The following GFM2 variants were observed in gnomAD, a reference collection of about 807,000 sequenced individuals.
GFM2 encodes the protein ribosome-releasing factor 2, mitochondrial.
Under a neutral mutation model 95.4 loss-of-function variants are expected in GFM2, and 72 were observed. That is an observed-to-expected ratio of 0.76 (90% confidence interval 0.62 to 0.92). The LOEUF (loss-of-function observed/expected upper bound fraction) is 0.92, where lower values mean the gene tolerates loss of function less well. Ranked by LOEUF, GFM2 falls within the 40% of genes least tolerant of loss-of-function variation. The pLI is 0.00. For synonymous variants in GFM2, 276 were observed against 317.5 expected (o/e 0.87, Z 1.39); for missense variants, 825 against 924.1 (o/e 0.89, Z 1.39).
At chr5:74,756,653 T>C (rs550026302) in intron 5 of GFM2, among the ~76,000 whole-genome samples, 7 of 143,328 alleles carry the variant, frequency 4.9e-5, no homozygotes, top group African/African-American at 2.0e-4. Context: ...ACTAACAGTG[T>C]AAAGTGTGTG....
At position 74,738,586 on chromosome 5, in the gene GFM2, T is replaced by C; in HGVS notation, c.1136A>G (p.Gln379Arg). The C allele has an allele frequency of 6.2e-7, 1 of 1,613,762 alleles. No homozygotes were observed. Among genetic ancestry groups the C allele is most frequent in the Non-Finnish European group, 8.5e-7 (1 of 1,179,754 alleles). Residue 379 changes from glutamine to arginine, a missense_variant, in exon 13 of 21, where the codon CAG becomes CGG. Coordinates refer to ENST00000296805, the MANE Select transcript of GFM2 (RefSeq NM_032380.5). ...ALAFKVLHDK[Q>R]RGPLVFMRIY... ...GCGCATAAAAACCAGTGGTCCTCGC[T>C]GCTTGTCATGGAGAACTTTAAATGC... is the stretch of plus-strand genomic sequence containing the variant.
At chr5:74,743,772 A>G (rs1470058806) in intron 10 of GFM2, among the ~76,000 whole-genome samples, 1 of 152,330 alleles carries the variant, frequency 6.6e-6, no homozygotes, top group East Asian at 1.9e-4. Flanking sequence ...AGCGGGTAAG[A>G]GCTTTAGCTC....
chr5:74,751,946 G>A (rs1225724306), intron 5 of GFM2, among the ~76,000 whole-genome samples: 2 of 152,040 alleles, frequency 1.3e-5, no homozygotes, highest in African/African-American at 4.8e-5. Context: ...GTAAAATAAG[G>A]CTAGTAAAGC....
chr5:74,733,137 T>G (rs371028297), intron 15 of GFM2, 39 bp from the exon 16 acceptor site: 407 of 1,413,680 alleles, frequency 2.9e-4, no homozygotes, highest in Non-Finnish European at 4.0e-4. Flanking sequence ...ATTTCATTTT[T>G]TAAATAATTT....
chr5:74,722,672 G>A (rs551162666), intron 19 of GFM2, 111 bp from the exon 20 acceptor site: 92 of 794,174 alleles, frequency 1.2e-4, no homozygotes, highest in Admixed American at 9.9e-4. Flanking sequence ...TCTCTTTAAA[G>A]ATAACGTTTT....
In GFM2 at chr5:74,721,730, T is replaced by G; in HGVS notation, c.2265A>C (p.Leu755Phe). The G allele has an allele frequency of 6.2e-7, 1 of 1,613,794 alleles. No individual in the cohort carries two copies. The highest frequency in any genetic ancestry group is 8.5e-7 in the Non-Finnish European group (1 of 1,179,806). ...TLTSGSATFALELSTYQAMNP... is the reference protein window; with the variant it reads ...TLTSGSATFAFELSTYQAMNP... ...TCATGGCTTGATAAGTAGATAGTTC[T>G]AAGGCAAAAGTAGCTGAGCCTGATG... Residue 755 changes from leucine to phenylalanine, a missense_variant, in exon 21 of 21, where the codon TTA becomes TTC. Leu to Phe is a conservative substitution (Grantham distance 22). Transcript: ENST00000296805.
chr5:74,721,495 T>A lies in GFM2; in HGVS notation c.*160A>T. On this transcript the variant is annotated 3_prime_UTR_variant, in exon 21 of 21. Coordinates refer to ENST00000296805, the MANE Select transcript of GFM2 (RefSeq NM_032380.5). ...CATTATATAAATTAAAACGGGTGGC[T>A]CCAGTGCCACTATCAAAGCTTAAGT... 1 of 822,742 alleles carries A rather than the reference T, an allele frequency of 1.2e-6. No individual in the cohort carries two copies. The highest frequency in any genetic ancestry group is 2.0e-6 in the Non-Finnish European group (1 of 498,910). 51.0% of individuals were successfully genotyped at this position (822,742 alleles called of 1,614,324 possible). A position where few individuals can be genotyped will look rare whatever the true frequency, so the allele number is the denominator to read the frequency against.
chr5:74,721,449 T>C lies in GFM2; in HGVS notation c.*206A>G. On this transcript the variant is annotated 3_prime_UTR_variant, in exon 21 of 21. Transcript: ENST00000296805. ...CAGCATGATTCAGGTACAGTGGCTT[T>C]AAACATCAAAGCACATTTCTCATTA... 1.4e-6 allele frequency: 1 copy of C among 708,466 alleles called. No homozygotes were observed. The highest frequency in any genetic ancestry group is 2.5e-6 in the Non-Finnish European group (1 of 404,330). The allele number at this position is 708,466 out of a possible 1,614,324, so 43.9% of individuals were successfully genotyped here.
At position 74,746,274 on chromosome 5, in the gene GFM2, T is replaced by G. The variant is rs1743381872; in HGVS notation, c.609-109A>C. 6 of 540,966 alleles carry G rather than the reference T, an allele frequency of 1.1e-5. No individual in the cohort carries two copies. The Admixed American group carries it at 1.5e-4, about 14-fold the overall frequency. 33.5% of individuals were successfully genotyped at this position (540,966 alleles called of 1,614,324 possible). A position where few individuals can be genotyped will look rare whatever the true frequency, so the allele number is the denominator to read the frequency against. ...CAGGTTTTAAGAATGTTTTCTAAAATTTTAACTCACTTTATTCTCCTTAAC... is the reference window on the plus strand; with the variant it reads ...CAGGTTTTAAGAATGTTTTCTAAAAGTTTAACTCACTTTATTCTCCTTAAC... On this transcript the variant is annotated intron_variant, in intron 8 of 20. Transcript: ENST00000296805.
chr5:74,747,744 G>A lies in GFM2; in HGVS notation c.556C>T (p.His186Tyr), dbSNP rs142840376. The change falls in exon 8 of 21, where the codon CAC becomes TAC. Residue 186 changes from histidine to tyrosine, a missense_variant. Transcript: ENST00000296805. Reference protein sequence around the residue: ...TLTVWRQADKHNIPRICFLNK... With the variant: ...TLTVWRQADKYNIPRICFLNK... ...AAAAAACAGATTCGAGGTATATTGT[G>A]TTTATCAGCTTGCCTCCATACTGTG... 5.2e-5 allele frequency: 84 copies of A among 1,611,936 alleles called. No homozygotes were observed. In the African/African-American group the frequency reaches 8.0e-4, roughly 15 times the overall value.
chr5:74,745,870 G>C lies in GFM2; in HGVS notation c.670-13C>G, dbSNP rs1743358960. ...CACCAATTGGTAACTGTAAGTCAGA[G>C]TGAGATTAACATTATTACATGATCA... On this transcript the variant is annotated splice_polypyrimidine_tract_variant and intron_variant, in intron 9 of 20. Transcript: ENST00000296805. 1.3e-6 allele frequency: 2 copies of C among 1,597,784 alleles called. No homozygotes were observed. Among genetic ancestry groups the C allele is most frequent in the Non-Finnish European group, 1.7e-6 (2 of 1,169,766 alleles).
intron 5 of GFM2, among the ~76,000 whole-genome samples, chr5:74,753,243 C>A (rs538474082): frequency 1.3e-5 from 2 of 152,274 alleles, no homozygotes; most frequent in South Asian, 4.1e-4. Flanking sequence ...ATGAAGGACA[C>A]ACTTAGACAA....
intron 8 of GFM2, among the ~76,000 whole-genome samples, chr5:74,746,393 G>A (rs1743389292): frequency 6.6e-6 from 1 of 152,180 alleles, no homozygotes; most frequent in African/African-American, 2.4e-5. Context: ...CAGCCACAGA[G>A]CTGTTTAGGG....
At chr5:74,747,885 T>G in intron 7 of GFM2, 105 bp from the exon 8 acceptor site, 52 of 611,060 alleles carry the variant, frequency 8.5e-5, no homozygotes, top group Non-Finnish European at 1.2e-4. Context: ...AATTGGGCCC[T>G]ATTCTAGCAG....
chr5:74,742,236 G>A (rs923579121), intron 10 of GFM2, among the ~76,000 whole-genome samples: 4 of 149,800 alleles, frequency 2.7e-5, no homozygotes, highest in Admixed American at 2.0e-4. Flanking sequence ...CAGTACAAGG[G>A]AGCAAAACGT....
rs533382515 is a variant in GFM2, at chr5:74,744,166, T to A, written c.849+1512A>T. Among the ~76,000 whole-genome samples the A allele has an allele frequency of 2.6e-5, 4 of 152,242 alleles. No homozygotes were observed. The South Asian group carries it at 6.2e-4, about 24-fold the overall frequency. ...CTTTTACACCAAGGCTATGGCCTATTACTCCTAGGCTACAAATCCATACAG... is the reference window on the plus strand; with the variant it reads ...CTTTTACACCAAGGCTATGGCCTATAACTCCTAGGCTACAAATCCATACAG... On this transcript the variant is annotated intron_variant, in intron 10 of 20. Transcript: ENST00000296805.
intron 1 of GFM2, among the ~76,000 whole-genome samples, chr5:74,765,349 C>T (rs1020681346): frequency 6.6e-6 from 1 of 152,186 alleles, no homozygotes; most frequent in Admixed American, 6.5e-5. Flanking sequence ...TGCCCTCATA[C>T]TGCCTCTACC....
chr5:74,759,930 C>T (rs951005663), intron 3 of GFM2, among the ~76,000 whole-genome samples: 1 of 152,090 alleles, frequency 6.6e-6, no homozygotes, highest in African/African-American at 2.4e-5. Context: ...TAAAGACTGC[C>T]TGGGAGGTTT....
rs370943169 is a variant in GFM2, at chr5:74,736,955, T to C, written c.1351A>G (p.Lys451Glu). 6.2e-7 allele frequency: 1 copy of C among 1,613,682 alleles called. No individual in the cohort carries two copies. ...TATGDTIVSS[K>E]SSALAAARRA... is the part of the protein sequence containing the mutation. ...CGAGCTGCAGCTAATGCACTGGACT[T>C]GGATGAGACAATGGTGTCTCCAGTG... is the stretch of plus-strand genomic sequence containing the variant. Residue 451 changes from lysine to glutamate, a missense_variant, in exon 15 of 21, where the codon AAG (lysine) becomes GAG (glutamate). Physicochemically the swap from Lys to Glu is moderately conservative, Grantham distance 56. Coordinates refer to ENST00000296805, the MANE Select transcript of GFM2 (RefSeq NM_032380.5).
Sources: gnomAD v4.1 joint callset for allele counts (sites outside exome capture counted in the v4.1 genomes callset) on GRCh38, gnomAD v4.1.1 for gene constraint, MANE v1.5 for transcripts, NCBI Gene and HGNC (gene_info 2026-07-23, HGNC 2026-07-21) for gene names.